Variants in SEC14L5 observed in about 807,000 individuals in gnomAD.
SEC14L5 encodes SEC14-like protein 5.
In SEC14L5, 96 loss-of-function variants were observed where a neutral mutation model predicts 84.6. The observed-to-expected ratio is 1.13, with a 90% CI of 0.96 to 1.34. SEC14L5 has a LOEUF of 1.34. Ranked by LOEUF, SEC14L5 falls within the 40% of genes most tolerant of loss-of-function variation. The pLI is 0.00. For synonymous variants in SEC14L5, 546 were observed against 383.4 expected, an observed-to-expected ratio of 1.42 and a Z score of -4.95; for missense variants, 1,224 against 942.5, an observed-to-expected ratio of 1.30 and a Z score of -3.91.
intron 8 of SEC14L5, among the ~76,000 whole-genome samples, chr16:4,998,104 C>G (rs539371099): frequency 1.3e-5 from 2 of 149,374 alleles, no homozygotes; most frequent in Non-Finnish European, 3.0e-5. Flanking sequence ...CCGCCAGGTT[C>G]AAGCGATTCT....
chr16:4,981,094 C>T (rs963602491), intron 2 of SEC14L5, among the ~76,000 whole-genome samples: 24 of 151,552 alleles, frequency 1.6e-4, no homozygotes, highest in African/African-American at 2.7e-4. Flanking sequence ...GGTTTATTCT[C>T]GGCATCAAGG....
At chr16:5,006,762 C>G (rs1955736210) in intron 12 of SEC14L5, among the ~76,000 whole-genome samples, 1 of 152,246 alleles carries the variant, frequency 6.6e-6, no homozygotes, top group African/African-American at 2.4e-5. Context: ...GCAAACGGTT[C>G]TGCAGATCTG....
chr16:4,981,639 C>T (rs1003207567), intron 2 of SEC14L5, among the ~76,000 whole-genome samples: 2 of 152,158 alleles, frequency 1.3e-5, no homozygotes, highest in Middle Eastern at 3.2e-3. Context: ...ACAAGCCCAG[C>T]TGCTGAGCAA....
chr16:4,997,165 C>A, intron 8 of SEC14L5, 121 bp downstream of exon 8: 2 of 635,598 alleles, frequency 3.1e-6, no homozygotes, highest in Non-Finnish European at 4.9e-6. Flanking sequence ...GTGGTGCCAT[C>A]TCGGCTCACC....
Position 4,988,251 on chromosome 16 carries a change from G to C in SEC14L5, c.316G>C (p.Val106Leu). 1 of 1,613,780 alleles carries C rather than the reference G, an allele frequency of 6.2e-7. No individual in the cohort carries two copies. The highest frequency in any genetic ancestry group is 1.1e-5 in the South Asian group (1 of 91,080). The change falls in exon 4 of 16, where the codon GTG becomes CTG. Residue 106 changes from valine to leucine, a missense_variant. Coordinates refer to ENST00000251170, the MANE Select transcript of SEC14L5 (RefSeq NM_014692.2). ...EAHNETFANR[V>L]VVNEHCSYTV... ...GCACAATGAGACCTTCGCCAACCGCGTGGTGGTGAACGAGCACTGCAGCTA... is the reference window on the plus strand; with the variant it reads ...GCACAATGAGACCTTCGCCAACCGCCTGGTGGTGAACGAGCACTGCAGCTA...
Position 5,000,731 on chromosome 16 carries a change from G to C in SEC14L5, c.1047G>C (p.Ala349=). The C allele has an allele frequency of 6.4e-7, 1 of 1,552,512 alleles. No homozygotes were observed. The highest frequency in any genetic ancestry group is 8.7e-7 in the Non-Finnish European group (1 of 1,147,704). Residue 349 remains alanine, a synonymous_variant, in exon 9 of 16, where the codon GCG becomes GCC. Coordinates refer to ENST00000251170, the MANE Select transcript of SEC14L5 (RefSeq NM_014692.2). ...TGATGAAGGCCGTGGGGGAGGAGGC[G>C]CTGCTGCGGCATGTGAGTCAGGGGC... ...KGLMKAVGEE[A]LLRHVLSVNE...
At chr16:4,964,155 G>T (rs1003671807) in intron 2 of SEC14L5, among the ~76,000 whole-genome samples, 1 of 152,222 alleles carries the variant, frequency 6.6e-6, no homozygotes, top group African/African-American at 2.4e-5. Context: ...GGTGTGTGGG[G>T]TGGTGGTGTC....
chr16:4,987,479 C>T (rs931333997), intron 2 of SEC14L5, 78 bp from the exon 3 acceptor site: 29 of 1,249,692 alleles, frequency 2.3e-5, no homozygotes, highest in Middle Eastern at 1.9e-4. Context: ...AGTGACACAG[C>T]AGATAAGGAG....
rs180692672 is a variant in SEC14L5 at position 4,965,610 on chromosome 16, G to A, written c.63+6224G>A. On this transcript the variant is annotated intron_variant, in intron 2 of 15. Coordinates refer to ENST00000251170, the MANE Select transcript of SEC14L5 (RefSeq NM_014692.2). The stretch of plus-strand genomic sequence containing the variant: ...CGGGAGGCGGAGCTTGCACTGAGCC[G>A]AGATAGCACCACTGCACTCCAGCCT... Among the ~76,000 whole-genome samples the A allele has an allele frequency of 5.4e-4, 63 of 116,338 alleles. 1 individual carries two copies. Among genetic ancestry groups the A allele is most frequent in the Admixed American group, 1.5e-3 (12 of 7,806 alleles). The allele number at this position is 116,338 out of a possible 152,430, so 76.3% of individuals were successfully genotyped here. A position where few individuals can be genotyped will look rare whatever the true frequency, so the allele number is the denominator to read the frequency against.
Position 5,015,293 on chromosome 16 carries a change from C to T in SEC14L5, c.*323C>T, listed in dbSNP as rs1955862350. 3.3e-6 allele frequency: 1 copy of T among 302,628 alleles called. No individual in the cohort carries two copies. 18.7% of individuals were successfully genotyped at this position (302,628 alleles called of 1,614,324 possible). A position where few individuals can be genotyped will look rare whatever the true frequency, so the allele number is the denominator to read the frequency against. ...TCAGCCAGGCCCATCTCCTCTCTGT[C>T]CACCTCTTGCTCTGCTTTCGCCATG... On this transcript the variant is annotated 3_prime_UTR_variant, in exon 16 of 16. Coordinates refer to ENST00000251170, the MANE Select transcript of SEC14L5 (RefSeq NM_014692.2).
rs764502766 is a variant in SEC14L5 at position 4,987,725 on chromosome 16, G to C, written c.213+19G>C. 8 of 1,471,880 alleles carry C rather than the reference G, an allele frequency of 5.4e-6. No homozygotes were observed. The East Asian group carries it at 2.1e-4, about 39-fold the overall frequency. The allele number at this position is 1,471,880 out of a possible 1,614,324, so 91.2% of individuals were successfully genotyped here. ...GCGGAAGGTGGGCGGCCCTGGGGCTGGGGGGCGGAGGAGGGGACCTGTTGC... is the reference window on the plus strand; with the variant it reads ...GCGGAAGGTGGGCGGCCCTGGGGCTCGGGGGCGGAGGAGGGGACCTGTTGC... On this transcript the variant is annotated intron_variant, in intron 3 of 15. Coordinates refer to ENST00000251170, the MANE Select transcript of SEC14L5 (RefSeq NM_014692.2).
At chr16:5,003,691 G>T in intron 11 of SEC14L5, 118 bp downstream of exon 11, 1 of 687,844 alleles carries the variant, frequency 1.5e-6, no homozygotes, top group Non-Finnish European at 2.4e-6. Context: ...ACTTTTTGGA[G>T]ATGAAACTCA....
chr16:5,000,007 T>A (rs1010083868), intron 8 of SEC14L5, among the ~76,000 whole-genome samples: 16 of 151,996 alleles, frequency 1.1e-4, no homozygotes, highest in African/African-American at 3.9e-4. Flanking sequence ...AAAAGTATTA[T>A]GGGGCCAGCT....
intron 2 of SEC14L5, among the ~76,000 whole-genome samples, chr16:4,969,714 T>C (rs1596615141): frequency 6.6e-6 from 1 of 152,136 alleles, no homozygotes; most frequent in South Asian, 2.1e-4. Flanking sequence ...TGCATTGTTA[T>C]TCTGTTCATT....
intron 12 of SEC14L5, among the ~76,000 whole-genome samples, chr16:5,007,008 C>T (rs1057362824): frequency 4.6e-5 from 7 of 152,056 alleles, no homozygotes; most frequent in African/African-American, 1.7e-4. Context: ...TGGAGAGGCC[C>T]CCCAGCCTGG....
chr16:5,005,955 C>T lies in SEC14L5; in HGVS notation c.1344C>T (p.Leu448=), dbSNP rs750399803. 2.5e-6 allele frequency: 4 copies of T among 1,610,956 alleles called. No individual in the cohort carries two copies. Among genetic ancestry groups the T allele is most frequent in the African/African-American group, 1.3e-5 (1 of 74,804 alleles). The change falls in exon 12 of 16, where the codon CTC becomes CTT. Residue 448 remains leucine, a synonymous_variant. Coordinates refer to ENST00000251170, the MANE Select transcript of SEC14L5 (RefSeq NM_014692.2). ...ATGAGAACACCAGGCGGAAGTTCCT[C>T]ATCTACAGTGGCAGCAACTACCAGG... The part of the protein sequence containing the change: ...FINENTRRKF[L]IYSGSNYQGP...
intron 14 of SEC14L5, among the ~76,000 whole-genome samples, chr16:5,010,188 C>CAAAAAAAAAAA (rs59942135): frequency 4.6e-5 from 2 of 43,646 alleles, no homozygotes; most frequent in African/African-American, 1.3e-4. Flanking sequence ...ACTAAAAATA[C>CAAAAAAAAAAA]AAAAAAAAAA....
At chr16:4,969,666 G>C (rs969531986) in intron 2 of SEC14L5, among the ~76,000 whole-genome samples, 2 of 152,122 alleles carry the variant, frequency 1.3e-5, no homozygotes, top group African/African-American at 4.8e-5. Flanking sequence ...TTACAGGTGT[G>C]AGCTACTGTG....
chr16:5,003,344 T>C, intron 10 of SEC14L5, 58 bp from the exon 11 acceptor site: 1 of 1,342,054 alleles, frequency 7.5e-7, no homozygotes, highest in Non-Finnish European at 1.1e-6. Context: ...GTGGGGAGGG[T>C]GTTGGTGGCC....
Sources: allele counts gnomAD v4.1 joint callset (sites outside exome capture counted in the v4.1 genomes callset), GRCh38; gene constraint gnomAD v4.1.1; transcripts MANE v1.5; gene names NCBI Gene and HGNC (gene_info 2026-07-23, HGNC 2026-07-21).